Variants in CDK7 observed in about 807,000 individuals in gnomAD.
CDK7 encodes cyclin dependent kinase 7.
CDK7 carries 25 observed loss-of-function variants against 49.1 expected under a neutral mutation model. That is an observed-to-expected ratio of 0.51 (90% confidence interval 0.37 to 0.71). The LOEUF (loss-of-function observed/expected upper bound fraction) is 0.71. Among genes scored for constraint, CDK7 ranks in the 30% least tolerant of loss-of-function variants. The pLI is 0.00. For synonymous variants in CDK7, 107 were observed against 140.0 expected (o/e 0.76, Z 1.67); for missense variants, 316 against 411.7 (o/e 0.77, Z 2.01).
intron 7 of CDK7, 35 bp downstream of exon 7, chr5:69,259,971 T>G: frequency 1.6e-6 from 2 of 1,262,286 alleles, no homozygotes; most frequent in South Asian, 1.2e-5. Flanking sequence ...TGCAGGAGTT[T>G]GATCAGAAAT....
intron 2 of CDK7, among the ~76,000 whole-genome samples, chr5:69,246,785 G>T (rs1580281252): frequency 6.7e-6 from 1 of 149,786 alleles, no homozygotes. Flanking sequence ...CAAGGTTTTT[G>T]GTATGTTGTG....
At position 69,241,195 on chromosome 5, in the gene CDK7, C is replaced by T. The variant is rs1749347913; in HGVS notation, c.126+5742C>T. ...CATAGTGGTTGTACTAATTTACATT[C>T]CCACCAACAATGTACCTAGGGTTCC... On this transcript the variant is annotated intron_variant, in intron 2 of 11. Coordinates refer to ENST00000256443, the MANE Select transcript of CDK7 (RefSeq NM_001799.4). 2.0e-5 allele frequency among the ~76,000 whole-genome samples: 3 copies of T among 151,970 alleles called. No homozygotes were observed. In the South Asian group the frequency reaches 6.2e-4, roughly 31 times the overall value.
At chr5:69,260,386 C>G (rs1750742075) in intron 7 of CDK7, among the ~76,000 whole-genome samples, 1 of 151,978 alleles carries the variant, frequency 6.6e-6, no homozygotes, top group East Asian at 1.9e-4. Flanking sequence ...AAAAACCTGT[C>G]ATTTTTATGT....
intron 9 of CDK7, among the ~76,000 whole-genome samples, chr5:69,271,513 CTTTTTTTTTTT>C (rs56035306): frequency 1.5e-5 from 2 of 134,326 alleles, no homozygotes; most frequent in Non-Finnish European, 3.2e-5. Flanking sequence ...ATTTTTTTTT[CTTTTTTTTTTT>C]TTTTTCAAGA....
chr5:69,275,077 AAAGAC>A (rs1751977027), intron 10 of CDK7, among the ~76,000 whole-genome samples: 1 of 152,020 alleles, frequency 6.6e-6, no homozygotes, highest in South Asian at 2.1e-4. Flanking sequence ...AAAAAAAAAA[AAAGAC>A]AAGCATGACC....
intron 1 of CDK7, 91 bp downstream of exon 1, chr5:69,235,132 C>G: frequency 8.1e-7 from 1 of 1,234,688 alleles, no homozygotes; most frequent in Non-Finnish European, 1.2e-6. Context: ...GGCCAGAGGT[C>G]TGGCTTGGCT....
chr5:69,260,083 T>C, intron 7 of CDK7, 147 bp downstream of exon 7: 1 of 599,614 alleles, frequency 1.7e-6, no homozygotes, highest in Non-Finnish European at 2.9e-6. Context: ...GCGCGGTGAC[T>C]CATGCCTGTA....
intron 7 of CDK7, among the ~76,000 whole-genome samples, chr5:69,261,880 T>C (rs1236677526): frequency 2.6e-5 from 4 of 152,274 alleles, no homozygotes; most frequent in South Asian, 4.1e-4. Context: ...ACAGTAAGAA[T>C]AGACAATTCT....
At chr5:69,269,434 G>C in intron 9 of CDK7, 141 bp downstream of exon 9, 1 of 534,168 alleles carries the variant, frequency 1.9e-6, no homozygotes, top group East Asian at 3.3e-5. Flanking sequence ...AAATGATAAA[G>C]TATATAAAGT....
At chr5:69,274,933 T>C (rs1421724333) in intron 10 of CDK7, among the ~76,000 whole-genome samples, 1 of 152,080 alleles carries the variant, frequency 6.6e-6, no homozygotes, top group East Asian at 1.9e-4. Flanking sequence ...TTTTAAATCA[T>C]TGTAGCCACT....
chr5:69,254,261 C>T (rs966902488), intron 3 of CDK7, among the ~76,000 whole-genome samples: 3 of 151,990 alleles, frequency 2.0e-5, no homozygotes, highest in Non-Finnish European at 2.9e-5. Flanking sequence ...TGGTGGCTCA[C>T]GCCTGTAATC....
At chr5:69,273,910 T>C (rs1476032987) in intron 10 of CDK7, among the ~76,000 whole-genome samples, 2 of 152,158 alleles carry the variant, frequency 1.3e-5, no homozygotes, top group Non-Finnish European at 2.9e-5. Flanking sequence ...GAAGGATAGA[T>C]AGATATAGAT....
At chr5:69,245,593 A>G (rs1246133709) in intron 2 of CDK7, among the ~76,000 whole-genome samples, 1 of 152,010 alleles carries the variant, frequency 6.6e-6, no homozygotes, top group Non-Finnish European at 1.5e-5. Context: ...GGCCTGCCTC[A>G]GCCTCCTAAA....
At chr5:69,258,209 G>T in intron 6 of CDK7, 56 bp downstream of exon 6, 1 of 709,804 alleles carries the variant, frequency 1.4e-6, no homozygotes, top group East Asian at 2.8e-5. Context: ...AGCCAATTTG[G>T]TACATAGTGG....
At chr5:69,254,707 C>G in intron 4 of CDK7, 38 bp downstream of exon 4, 1 of 1,077,110 alleles carries the variant, frequency 9.3e-7, no homozygotes, top group Non-Finnish European at 1.4e-6. Context: ...ATTTGGGACT[C>G]TGCCTTTTCT....
chr5:69,269,376 C>A, intron 9 of CDK7, 83 bp downstream of exon 9: 1 of 842,414 alleles, frequency 1.2e-6, no homozygotes, highest in South Asian at 1.7e-5. Flanking sequence ...ATAGTGCTGT[C>A]ACGTGAATAT....
At chr5:69,271,046 C>A (rs1188315395) in intron 9 of CDK7, among the ~76,000 whole-genome samples, 1 of 152,144 alleles carries the variant, frequency 6.6e-6, no homozygotes, top group African/African-American at 2.4e-5. Flanking sequence ...AAATAACCTG[C>A]AAAACTCCAG....
chr5:69,265,664 C>A (rs1188893750), intron 8 of CDK7, among the ~76,000 whole-genome samples: 3 of 152,194 alleles, frequency 2.0e-5, no homozygotes, highest in African/African-American at 7.2e-5. Context: ...AATCCCAGCA[C>A]TTTGGGAGGC....
At position 69,234,892 on chromosome 5, in the gene CDK7, T is replaced by G; in HGVS notation, c.-84T>G. 1 of 1,308,070 alleles carries G rather than the reference T, an allele frequency of 7.6e-7. No homozygotes were observed. The highest frequency in any genetic ancestry group is 1.1e-6 in the Non-Finnish European group (1 of 927,700). The allele number at this position is 1,308,070 out of a possible 1,614,324, so 81.0% of individuals were successfully genotyped here. A position where few individuals can be genotyped will look rare whatever the true frequency, so the allele number is the denominator to read the frequency against. On this transcript the variant is annotated 5_prime_UTR_variant, in exon 1 of 12. Coordinates refer to ENST00000256443, the MANE Select transcript of CDK7 (RefSeq NM_001799.4). Reference sequence around the variant, plus strand: ...ACGGAGCCCGGTGGACGGAAGTGGGTGTTGGAGGCTTTAAGGTAGCTTTAA... The same window carrying G: ...ACGGAGCCCGGTGGACGGAAGTGGGGGTTGGAGGCTTTAAGGTAGCTTTAA...
Sources: allele counts gnomAD v4.1 joint callset (sites outside exome capture counted in the v4.1 genomes callset), GRCh38; gene constraint gnomAD v4.1.1; transcripts MANE v1.5; gene names NCBI Gene and HGNC (gene_info 2026-07-23, HGNC 2026-07-21).